AMMECR1: variants seen among roughly 807,000 people sequenced by gnomAD.
AMMECR1 encodes AMMECR nuclear protein 1, also known as nuclear protein AMMECR1.
Under a neutral mutation model 22.5 loss-of-function variants are expected in AMMECR1, and 3 were observed. The ratio of observed to expected loss-of-function variants is 0.13; its 90% CI spans 0.06 to 0.35. The LOEUF (loss-of-function observed/expected upper bound fraction) is 0.35, where lower values mean the gene tolerates loss of function less well. Ranked by LOEUF, AMMECR1 falls within the 10% of genes least tolerant of loss-of-function variation. The pLI is 1.00. For missense variants in AMMECR1, 235 were observed against 278.7 expected (o/e 0.84, Z 1.12); for synonymous variants, 130 against 116.7 (o/e 1.11, Z -0.74).
At chrX:110,222,728 G>A (rs1006941699) in intron 2 of AMMECR1, among the ~76,000 whole-genome samples, 5 of 110,250 alleles carry the variant, frequency 4.5e-5, no homozygotes, top group Non-Finnish European at 9.5e-5. Context: ...GTACAAAAAA[G>A]GGGGACACTT....
chrX:110,373,514 T>G, intron 2 of AMMECR1, among the ~76,000 whole-genome samples: 1 of 111,676 alleles, frequency 9.0e-6, no homozygotes, highest in Non-Finnish European at 1.9e-5. Context: ...AGAAAACAGT[T>G]CCTGCAGAAG....
intron 2 of AMMECR1, among the ~76,000 whole-genome samples, chrX:110,226,543 G>T (rs766375224): frequency 1.8e-5 from 2 of 111,521 alleles, no homozygotes; most frequent in Admixed American, 9.5e-5. Flanking sequence ...GGAGGTGGAG[G>T]TTGCAGTGAG....
intron 2 of AMMECR1, among the ~76,000 whole-genome samples, chrX:110,331,483 G>A (rs1234544745): frequency 9.1e-6 from 1 of 110,050 alleles, no homozygotes; most frequent in Admixed American, 9.9e-5. Flanking sequence ...CCAGCCCTGG[G>A]AGTCATCTTT....
intron 1 of AMMECR1, among the ~76,000 whole-genome samples, chrX:110,434,530 G>C (rs1274750225): frequency 9.0e-6 from 1 of 111,523 alleles, no homozygotes; most frequent in Non-Finnish European, 1.9e-5. Flanking sequence ...CCTCAGGGCT[G>C]GCTGTCATGG....
At chrX:110,303,240 G>A (rs185487139) in intron 1 of AMMECR1, among the ~76,000 whole-genome samples, 8 of 111,527 alleles carry the variant, frequency 7.2e-5, no homozygotes, top group African/African-American at 2.3e-4. Flanking sequence ...ATCAGGGCCC[G>A]TTAGACCTAC....
chrX:110,405,341 G>A (rs2068594271), intron 2 of AMMECR1, among the ~76,000 whole-genome samples: 1 of 111,787 alleles, frequency 8.9e-6, no homozygotes, highest in Admixed American at 9.5e-5. Flanking sequence ...CTCAATGGCT[G>A]AAAGGAGCCC....
At chrX:110,388,111 C>A (rs1037688297) in intron 2 of AMMECR1, among the ~76,000 whole-genome samples, 1 of 111,181 alleles carries the variant, frequency 9.0e-6, no homozygotes, top group African/African-American at 3.3e-5. Flanking sequence ...TCATGATCTG[C>A]CCGCCTCAGC....
intron 2 of AMMECR1, among the ~76,000 whole-genome samples, chrX:110,363,494 G>A (rs1412329206): frequency 8.9e-6 from 1 of 112,136 alleles, no homozygotes; most frequent in East Asian, 2.8e-4. Context: ...AATGTAATCA[G>A]TGGAAAACAC....
chrX:110,225,621 T>C (rs2067528591), intron 2 of AMMECR1, among the ~76,000 whole-genome samples: 1 of 112,401 alleles, frequency 8.9e-6, no homozygotes, highest in South Asian at 3.7e-4. Flanking sequence ...ATCTGCATTA[T>C]ACTGGTTGAA....
chrX:110,374,364 G>A (rs2068360956), intron 2 of AMMECR1, among the ~76,000 whole-genome samples: 1 of 112,177 alleles, frequency 8.9e-6, no homozygotes, highest in Admixed American at 9.4e-5. Flanking sequence ...TTAAATGCAT[G>A]AGTGAGTGAA....
At chrX:110,231,613 G>A (rs760122037) in intron 2 of AMMECR1, among the ~76,000 whole-genome samples, 1 of 111,286 alleles carries the variant, frequency 9.0e-6, no homozygotes, top group African/African-American at 3.3e-5. Flanking sequence ...TCAATTAACA[G>A]GCAAAATAAC....
chrX:110,293,386 T>G (rs1254483701), intron 1 of AMMECR1, among the ~76,000 whole-genome samples: 5 of 111,838 alleles, frequency 4.5e-5, no homozygotes, highest in Non-Finnish European at 9.4e-5. Context: ...TCATCTAGTT[T>G]AGAAGGTCCA....
intron 2 of AMMECR1, among the ~76,000 whole-genome samples, chrX:110,420,157 G>A (rs941726997): frequency 9.0e-6 from 1 of 111,666 alleles, no homozygotes; most frequent in Non-Finnish European, 1.9e-5. Flanking sequence ...CCCCAGGCAC[G>A]ATTCTACTAC....
rs765141319 is a variant in AMMECR1 at position 110,205,829 on chromosome X, T to C, written c.700-3293A>G. On this transcript the variant is annotated intron_variant, in intron 3 of 5. Transcript: ENST00000262844. ...GGTAGTAAATTAAATGTAGGACTTA[T>C]AGATAAGAGGATATGGAATTAAGCA... Among the ~76,000 whole-genome samples the C allele has an allele frequency of 1.2e-4, 14 of 112,285 alleles. No individual in the cohort carries two copies. In the South Asian group the frequency reaches 4.1e-3, roughly 33 times the overall value.
chrX:110,351,247 A>T (rs887918320), intron 2 of AMMECR1, among the ~76,000 whole-genome samples: 1 of 111,831 alleles, frequency 8.9e-6, no homozygotes. Flanking sequence ...TGACATGATG[A>T]TCTTAAAATT....
intron 2 of AMMECR1, among the ~76,000 whole-genome samples, chrX:110,224,154 C>G (rs1461258759): frequency 1.8e-5 from 2 of 110,909 alleles, no homozygotes; most frequent in African/African-American, 6.6e-5. Context: ...AGAAAGGGAG[C>G]CACAGGACTA....
intron 2 of AMMECR1, among the ~76,000 whole-genome samples, chrX:110,248,096 C>T (rs148895692): frequency 8.8e-4 from 98 of 111,887 alleles, no homozygotes; most frequent in African/African-American, 3.1e-3. Flanking sequence ...GAAAAAGACA[C>T]AATCTGAGGC....
At chrX:110,382,498 A>G (rs920791723) in intron 2 of AMMECR1, among the ~76,000 whole-genome samples, 12 of 111,466 alleles carry the variant, frequency 1.1e-4, no homozygotes, top group African/African-American at 3.9e-4. Context: ...AACTAAAAGG[A>G]AAAATAGAAA....
At chrX:110,218,024 T>C (rs2067482735) in intron 2 of AMMECR1, among the ~76,000 whole-genome samples, 1 of 111,724 alleles carries the variant, frequency 9.0e-6, no homozygotes, top group African/African-American at 3.2e-5. Context: ...AAATCTGTGA[T>C]AATTCATACT....
Sources: allele counts gnomAD v4.1 joint callset (sites outside exome capture counted in the v4.1 genomes callset), GRCh38; gene constraint gnomAD v4.1.1; transcripts MANE v1.5; gene names NCBI Gene and HGNC (gene_info 2026-07-23, HGNC 2026-07-21).